The following PPHLN1 variants were observed in gnomAD, a reference collection of about 807,000 sequenced individuals.
The protein encoded by PPHLN1 is periphilin-1.
PPHLN1 carries 29 observed loss-of-function variants against 51.3 expected under a neutral mutation model. The ratio of observed to expected loss-of-function variants is 0.57; its 90% CI spans 0.42 to 0.77. The LOEUF (loss-of-function observed/expected upper bound fraction) is 0.77. Among genes scored for constraint, PPHLN1 ranks in the 30% least tolerant of loss-of-function variants. The probability of loss-of-function intolerance (pLI) is 0.00; values close to 1 mark genes in which losing one functional copy is unlikely to be tolerated. For synonymous variants in PPHLN1, 147 were observed against 147.8 expected (o/e 0.99, Z 0.04); for missense variants, 436 against 438.4 (o/e 0.99, Z 0.05).
At chr12:42,382,713 A>G (rs1489370261) in intron 5 of PPHLN1, among the ~76,000 whole-genome samples, 1 of 152,216 alleles carries the variant, frequency 6.6e-6, no homozygotes, top group African/African-American at 2.4e-5. Context: ...AAGGAACAAT[A>G]ACCAACAAAA....
chr12:42,396,640 A>AAAAAAAAAAAAAAAAAC (rs2078236676), intron 8 of PPHLN1, among the ~76,000 whole-genome samples: 1 of 116,218 alleles, frequency 8.6e-6, no homozygotes, highest in East Asian at 2.4e-4. Flanking sequence ...AAAAAAAAAA[A>AAAAAAAAAAAAAAAAAC]AAAAAAAAGC....
At position 42,441,499 on chromosome 12, in the gene PPHLN1, A is replaced by G. The variant is rs1425236763; in HGVS notation, c.1094A>G (p.Glu365Gly). The stretch of plus-strand genomic sequence containing the variant: ...GATACTTCCACTCAAGATTTTGGAG[A>G]GCCTTTTTAGATTTTTCTGCTCAGG... ...EYDTSTQDFG[E>G]PF The change falls in exon 10 of 10, where the codon GAG (glutamate) becomes GGG (glycine). Residue 365 changes from glutamate (E) to glycine (G), a missense_variant. Glu to Gly is a moderately conservative substitution (Grantham distance 98). Transcript: ENST00000358314. 6.3e-7 allele frequency: 1 copy of G among 1,581,424 alleles called. No individual in the cohort carries two copies. The highest frequency in any genetic ancestry group is 8.6e-7 in the Non-Finnish European group (1 of 1,166,140).
intron 7 of PPHLN1, among the ~76,000 whole-genome samples, chr12:42,389,641 G>A (rs561131634): frequency 6.6e-6 from 1 of 152,252 alleles, no homozygotes; most frequent in East Asian, 1.9e-4. Context: ...GAGGAAAAAT[G>A]GGCAGTTTTC....
chr12:42,333,731 C>T (rs1156238390), intron 1 of PPHLN1, among the ~76,000 whole-genome samples: 1 of 152,154 alleles, frequency 6.6e-6, no homozygotes, highest in African/African-American at 2.4e-5. Flanking sequence ...ATCCGCCCAC[C>T]TCGGCCTCCC....
At chr12:42,375,661 A>G (rs1406394387) in intron 5 of PPHLN1, among the ~76,000 whole-genome samples, 3 of 151,550 alleles carry the variant, frequency 2.0e-5, no homozygotes, top group African/African-American at 7.3e-5. Flanking sequence ...CCAACCCCCA[A>G]TTTTATTTTA....
At chr12:42,434,776 C>G (rs1459442423) in intron 9 of PPHLN1, among the ~76,000 whole-genome samples, 1 of 152,236 alleles carries the variant, frequency 6.6e-6, no homozygotes, top group African/African-American at 2.4e-5. Flanking sequence ...TCACTGCAAC[C>G]TTGGTCTCCC....
At chr12:42,333,226 AATTG>A (rs2137729486) in intron 1 of PPHLN1, among the ~76,000 whole-genome samples, 1 of 152,264 alleles carries the variant, frequency 6.6e-6, no homozygotes, top group East Asian at 1.9e-4. Flanking sequence ...GTATAAATAT[AATTG>A]ATCAATTTAC....
intron 9 of PPHLN1, among the ~76,000 whole-genome samples, chr12:42,406,731 TG>T (rs1345969648): frequency 6.6e-6 from 1 of 152,162 alleles, no homozygotes; most frequent in Non-Finnish European, 1.5e-5. Flanking sequence ...TTGATATCTT[TG>T]GGGGAATAAA....
At chr12:42,387,660 A>G (rs1483838577) in intron 7 of PPHLN1, 125 bp downstream of exon 7, 10 of 1,314,226 alleles carry the variant, frequency 7.6e-6, no homozygotes, top group African/African-American at 3.0e-5. Flanking sequence ...AAAAACTTAA[A>G]TTTTTGGCTA....
chr12:42,373,991 G>A (rs1016674273), intron 4 of PPHLN1, among the ~76,000 whole-genome samples: 2 of 152,104 alleles, frequency 1.3e-5, no homozygotes, highest in African/African-American at 2.4e-5. Context: ...TAGGAAATTA[G>A]CAGCATTCCT....
At chr12:42,333,081 C>T (rs2070034113) in intron 1 of PPHLN1, among the ~76,000 whole-genome samples, 1 of 152,166 alleles carries the variant, frequency 6.6e-6, no homozygotes, top group Non-Finnish European at 1.5e-5. Flanking sequence ...CAGGAGTAGT[C>T]TGTACATATG....
intron 6 of PPHLN1, among the ~76,000 whole-genome samples, chr12:42,386,574 C>T (rs1280713955): frequency 6.6e-6 from 1 of 152,186 alleles, no homozygotes; most frequent in African/African-American, 2.4e-5. Context: ...TCTCGACCAG[C>T]TTCTGTGTGA....
intron 7 of PPHLN1, among the ~76,000 whole-genome samples, chr12:42,393,287 A>G (rs1462769906): frequency 1.3e-5 from 2 of 152,186 alleles, no homozygotes; most frequent in Non-Finnish European, 2.9e-5. Flanking sequence ...TAATTATTAT[A>G]TGAGTTAATT....
In PPHLN1 at chr12:42,398,938, A is replaced by G; in HGVS notation, c.853A>G (p.Ser285Gly). 1 of 1,614,170 alleles carries G rather than the reference A, an allele frequency of 6.2e-7. No homozygotes were observed. The highest frequency in any genetic ancestry group is 8.5e-7 in the Non-Finnish European group (1 of 1,179,982). The stretch of plus-strand genomic sequence containing the variant: ...ACATGGGATAGAATTATTTGAAGAT[A>G]GTCAGCTAACCACTCGCTCTAAAGC... ...TTHGIELFED[S>G]QLTTRSKAIA... is the part of the protein sequence containing the mutation. The change falls in exon 9 of 10, where the codon AGT (serine) becomes GGT (glycine). Residue 285 changes from serine (S) to glycine (G), a missense_variant. Transcript: ENST00000358314.
rs527330963 is a variant in PPHLN1 at position 42,330,338 on chromosome 12, C to G, written c.-21+4109C>G. Among the ~76,000 whole-genome samples, 6 of 152,324 alleles carry G rather than the reference C, an allele frequency of 3.9e-5. No individual in the cohort carries two copies. In the South Asian group the frequency reaches 1.2e-3, roughly 32 times the overall value. The stretch of plus-strand genomic sequence containing the variant: ...AGGCCTTCCTCTTTTACTGATCCTC[C>G]TCAGCACAGACCCTTCATGGGTGTC... On this transcript the variant is annotated intron_variant, in intron 1 of 9. Coordinates refer to ENST00000358314, the MANE Select transcript of PPHLN1 (RefSeq NM_201439.2).
At chr12:42,368,690 A>G (rs1592461565) in intron 4 of PPHLN1, among the ~76,000 whole-genome samples, 1 of 152,210 alleles carries the variant, frequency 6.6e-6, no homozygotes, top group East Asian at 1.9e-4. Flanking sequence ...AAATACTAAT[A>G]TTTTGTGGAT....
chr12:42,379,774 A>G (rs1220519350), intron 5 of PPHLN1, among the ~76,000 whole-genome samples: 1 of 152,066 alleles, frequency 6.6e-6, no homozygotes, highest in Non-Finnish European at 1.5e-5. Flanking sequence ...TCTGTTTTAT[A>G]GAATTCTCAA....
At chr12:42,415,983 T>G (rs181189085) in intron 9 of PPHLN1, among the ~76,000 whole-genome samples, 1 of 152,296 alleles carries the variant, frequency 6.6e-6, no homozygotes, top group Non-Finnish European at 1.5e-5. Context: ...TCTGTGGAAG[T>G]GACATTTGAT....
intron 9 of PPHLN1, among the ~76,000 whole-genome samples, chr12:42,407,186 A>G (rs951702411): frequency 6.6e-6 from 1 of 152,094 alleles, no homozygotes; most frequent in Non-Finnish European, 1.5e-5. Flanking sequence ...TGAATTTTGT[A>G]GAAATTTTAG....
Sources: gnomAD v4.1 joint callset for allele counts (sites outside exome capture counted in the v4.1 genomes callset) on GRCh38, gnomAD v4.1.1 for gene constraint, MANE v1.5 for transcripts, NCBI Gene and HGNC (gene_info 2026-07-23, HGNC 2026-07-21) for gene names.